The following USP34 variants were observed in gnomAD, a reference collection of about 807,000 sequenced individuals.
The protein encoded by USP34 is ubiquitin carboxyl-terminal hydrolase 34.
Under a neutral mutation model 460.3 loss-of-function variants are expected in USP34, and 70 were observed. That is an observed-to-expected ratio of 0.15 (90% CI 0.13 to 0.19). The LOEUF is 0.19. USP34 is among the 10% of genes least tolerant of loss of function. The pLI is 1.00. For missense variants in USP34, 3,985 were observed against 4,236.2 expected (o/e 0.94, Z 1.65); for synonymous variants, 1,647 against 1,405.3 (o/e 1.17, Z -3.85).
At chr2:61,255,543 G>A (rs566868362) in intron 48 of USP34, among the ~76,000 whole-genome samples, 1 of 152,190 alleles carries the variant, frequency 6.6e-6, no homozygotes, top group Non-Finnish European at 1.5e-5. Context: ...GATAATAACA[G>A]CATCTATTGC....
chr2:61,399,808 G>A (rs1022771461), intron 3 of USP34, among the ~76,000 whole-genome samples: 1 of 139,652 alleles, frequency 7.2e-6, no homozygotes, highest in Non-Finnish European at 1.5e-5. Flanking sequence ...GAGAGGCAGA[G>A]GTTGCAGTGA....
At chr2:61,194,424 AGG>A (rs1686735489) in intron 75 of USP34, among the ~76,000 whole-genome samples, 4 of 152,226 alleles carry the variant, frequency 2.6e-5, no homozygotes. Flanking sequence ...AAGTAGAGGA[AGG>A]GTTAGCAAAC....
intron 7 of USP34, among the ~76,000 whole-genome samples, chr2:61,378,913 G>GAAAAAA (rs34463913): frequency 0.022 from 1,272 of 57,910 alleles, 57 homozygotes; most frequent in Middle Eastern, 0.071. Context: ...TCAAAAAAAC[G>GAAAAAA]AAAAAAAAAA....
intron 8 of USP34, among the ~76,000 whole-genome samples, chr2:61,374,197 G>C (rs899364062): frequency 6.7e-6 from 1 of 150,006 alleles, no homozygotes; most frequent in African/African-American, 2.5e-5. Context: ...ATGAGGTTCA[G>C]AAGTGTTTAG....
intron 1 of USP34, among the ~76,000 whole-genome samples, chr2:61,435,130 C>A (rs955109981): frequency 2.6e-5 from 4 of 151,300 alleles, no homozygotes; most frequent in African/African-American, 9.7e-5. Context: ...GTGGTGAGAC[C>A]CCATCTCTAC....
In USP34 at chr2:61,205,332, G is replaced by A. The variant is rs530286612; in HGVS notation, c.9154+685C>T. 2.6e-5 allele frequency among the ~76,000 whole-genome samples: 4 copies of A among 152,250 alleles called. No individual in the cohort carries two copies. In the South Asian group the frequency reaches 8.3e-4, roughly 31 times the overall value. ...TCACACAGGAAGGAATAAATCTCAC[G>A]ATGACAGGCTATAGGCAGTTTCTGG... On this transcript the variant is annotated intron_variant, in intron 72 of 79. Coordinates refer to ENST00000398571, the MANE Select transcript of USP34 (RefSeq NM_014709.4).
chr2:61,339,314 T>C, intron 18 of USP34, 37 bp downstream of exon 18: 1 of 1,589,966 alleles, frequency 6.3e-7, no homozygotes, highest in Non-Finnish European at 8.5e-7. Flanking sequence ...CCAAATACTT[T>C]GACTACTGCA....
At chr2:61,319,385 C>T (rs946216966) in intron 21 of USP34, 58 bp from the exon 22 acceptor site, 9 of 1,310,098 alleles carry the variant, frequency 6.9e-6, no homozygotes, top group Non-Finnish European at 9.1e-6. Context: ...AATTAAACTT[C>T]TCTTAGGCAT....
intron 1 of USP34, among the ~76,000 whole-genome samples, chr2:61,457,785 C>G (rs1695480809): frequency 6.6e-6 from 1 of 152,172 alleles, no homozygotes; most frequent in African/African-American, 2.4e-5. Context: ...GAGGTCAAGG[C>G]TGCAGTGAGC....
rs59158283 is a variant in USP34, at chr2:61,435,307, CAAAAAA to C, written c.44-14480_44-14475del. ...TGGGCAACAGAGTGAGACCTTGTTT[CAAAAAA>C]AAAAAAAAAAAAAAAAGAACTCTAA... On this transcript the variant is annotated intron_variant, in intron 1 of 79. Transcript: ENST00000398571. 6.6e-4 allele frequency among the ~76,000 whole-genome samples: 27 copies of C among 40,952 alleles called. 1 individual carries two copies. The highest frequency in any genetic ancestry group is 3.8e-3 in the East Asian group (5 of 1,332). 26.9% of individuals were successfully genotyped at this position (40,952 alleles called of 152,430 possible).
At chr2:61,247,790 C>T (rs1279359213) in intron 49 of USP34, among the ~76,000 whole-genome samples, 1 of 152,182 alleles carries the variant, frequency 6.6e-6, no homozygotes, top group East Asian at 1.9e-4. Flanking sequence ...GGTCCATGTC[C>T]TACAACTTAT....
chr2:61,443,974 T>TA (rs1301709596), intron 1 of USP34, among the ~76,000 whole-genome samples: 1 of 152,020 alleles, frequency 6.6e-6, no homozygotes, highest in East Asian at 1.9e-4. Context: ...AAAACTGCTG[T>TA]AAAAAAATAA....
Position 61,394,711 on chromosome 2 carries a change from G to A in USP34, c.753+142C>T, listed in dbSNP as rs543322235. ...TCTTAATAATAAAGATCGTTAAAAC[G>A]TTTCTGTACTCATTTTGTCAAAATA... On this transcript the variant is annotated intron_variant, in intron 5 of 79. Coordinates refer to ENST00000398571, the MANE Select transcript of USP34 (RefSeq NM_014709.4). The A allele has an allele frequency of 3.1e-4, 169 of 538,750 alleles. 1 individual carries two copies. The highest frequency in any genetic ancestry group is 3.1e-3 in the African/African-American group (155 of 50,580). 33.4% of individuals were successfully genotyped at this position (538,750 alleles called of 1,614,324 possible). A position where few individuals can be genotyped will look rare whatever the true frequency, so the allele number is the denominator to read the frequency against.
intron 1 of USP34, among the ~76,000 whole-genome samples, chr2:61,427,150 C>T (rs1694536435): frequency 6.6e-6 from 1 of 152,218 alleles, no homozygotes; most frequent in Non-Finnish European, 1.5e-5. Flanking sequence ...GCCTCAGCCT[C>T]CCGAGTAGCT....
Position 61,214,677 on chromosome 2 carries a change from C to G in USP34, c.8065G>C (p.Val2689Leu), listed in dbSNP as rs906305988. 3 of 1,613,730 alleles carry G rather than the reference C, an allele frequency of 1.9e-6. No individual in the cohort carries two copies. The highest frequency in any genetic ancestry group is 2.5e-6 in the Non-Finnish European group (3 of 1,179,880). Residue 2689 changes from valine (V) to leucine (L), a missense_variant, in exon 68 of 80, where the codon GTG (valine) becomes CTG (leucine). Val to Leu is a conservative substitution (Grantham distance 32). This residue lies in a region of USP34 where 604 missense variants were observed against 684.8 expected (regional missense o/e 0.88). Coordinates refer to ENST00000398571, the MANE Select transcript of USP34 (RefSeq NM_014709.4). Reference sequence around the variant, plus strand: ...AATGAATTGCTTGGTATAAGGGACACCAGAAGATAAGCTGCAGCTATAAAA... The same window carrying G: ...AATGAATTGCTTGGTATAAGGGACAGCAGAAGATAAGCTGCAGCTATAAAA... ...RVRTSAAYLL[V>L]SLIPSNSFRQ...
intron 1 of USP34, among the ~76,000 whole-genome samples, chr2:61,458,969 G>A (rs1344751166): frequency 1.3e-5 from 2 of 152,168 alleles, no homozygotes; most frequent in Non-Finnish European, 2.9e-5. Flanking sequence ...GGGAGGCTGA[G>A]GCAGGAGAAT....
At chr2:61,418,230 C>G (rs1280420078) in intron 2 of USP34, among the ~76,000 whole-genome samples, 2 of 151,382 alleles carry the variant, frequency 1.3e-5, no homozygotes, top group African/African-American at 4.9e-5. Flanking sequence ...CTGGTACACA[C>G]CACCACGCCT....
At chr2:61,304,498 C>G (rs748592633) in intron 27 of USP34, among the ~76,000 whole-genome samples, 2 of 152,136 alleles carry the variant, frequency 1.3e-5, no homozygotes, top group African/African-American at 2.4e-5. Context: ...GGAGGTGGGA[C>G]CTTTTGGAGG....
At chr2:61,410,505 C>G (rs1420613336) in intron 2 of USP34, among the ~76,000 whole-genome samples, 1 of 152,180 alleles carries the variant, frequency 6.6e-6, no homozygotes, top group Admixed American at 6.5e-5. Flanking sequence ...AATTGGGTAC[C>G]AGTCTGTGGC....
Sources: allele counts gnomAD v4.1 joint callset (sites outside exome capture counted in the v4.1 genomes callset), GRCh38; gene constraint gnomAD v4.1.1; regional missense constraint gnomAD v4.1.1; transcripts MANE v1.5; gene names NCBI Gene and HGNC (gene_info 2026-07-23, HGNC 2026-07-21).